Variants in PTPN7 observed in about 807,000 individuals in gnomAD.
The protein encoded by PTPN7 is tyrosine-protein phosphatase non-receptor type 7.
Under a neutral mutation model 50.3 loss-of-function variants are expected in PTPN7, and 33 were observed. The ratio of observed to expected loss-of-function variants is 0.66; its 90% CI spans 0.50 to 0.88. The LOEUF is 0.88. Among genes scored for constraint, PTPN7 ranks in the 40% least tolerant of loss-of-function variants. PTPN7 has a pLI of 0.00. For synonymous variants in PTPN7, 185 were observed against 186.6 expected (o/e 0.99, Z 0.07); for missense variants, 412 against 475.4 (o/e 0.87, Z 1.24).
rs998819135 is a variant in PTPN7, at chr1:202,159,676, G to A, written c.-52-222C>T. On this transcript the variant is annotated intron_variant, in intron 1 of 9. Transcript: ENST00000691036. The surrounding 1 kb of genome is among the most constrained non-coding windows in gnomAD (Gnocchi z 4.6). The stretch of plus-strand genomic sequence containing the variant: ...AACGGCAAGATAAAGGGTAGAGATT[G>A]TGGATGAAGATAGGAAAGAATCCAG... 7 of 1,397,792 alleles carry A rather than the reference G, an allele frequency of 5.0e-6. No individual in the cohort carries two copies. In the African/African-American group the frequency reaches 1.0e-4, roughly 20 times the overall value. The allele number at this position is 1,397,792 out of a possible 1,614,324, so 86.6% of individuals were successfully genotyped here.
At chr1:202,161,368 A>T (rs11587776), upstream of PTPN7, 214 of 1,238,742 alleles carry the variant, frequency 1.7e-4, no homozygotes, top group Non-Finnish European at 2.2e-4. Flanking sequence ...GAACCCTGAC[A>T]TCTACTTAGA....
chr1:202,160,043 C>T lies in PTPN7; in HGVS notation c.-53+502G>A. ...AGGCTGGAGGTGTTTCCTTCCTCCTCCTGCCCATCCCCCCGTCTCCCGCCT... is the reference window on the plus strand; with the variant it reads ...AGGCTGGAGGTGTTTCCTTCCTCCTTCTGCCCATCCCCCCGTCTCCCGCCT... On this transcript the variant is annotated intron_variant, in intron 1 of 9. Transcript: ENST00000691036. This position sits in a 1 kb window ranked among gnomAD's most constrained non-coding sequence, Gnocchi z 4.8. 3.3e-6 allele frequency: 3 copies of T among 922,732 alleles called. No individual in the cohort carries two copies. The highest frequency in any genetic ancestry group is 3.9e-6 in the Non-Finnish European group (3 of 769,068). The allele number at this position is 922,732 out of a possible 1,614,324, so 57.2% of individuals were successfully genotyped here.
intron 9 of PTPN7, among the ~76,000 whole-genome samples, chr1:202,149,367 A>C (rs747225226): frequency 6.6e-6 from 1 of 152,204 alleles, no homozygotes; most frequent in African/African-American, 2.4e-5. Context: ...CCTTCTTTCT[A>C]ATAATCTTAA....
At chr1:202,161,361 C>A (rs1223809490), upstream of PTPN7, 4 of 1,229,256 alleles carry the variant, frequency 3.3e-6, no homozygotes, top group Non-Finnish European at 3.1e-6. Flanking sequence ...CCTCCCAGAA[C>A]CCTGACATCT....
At chr1:202,157,878 T>G in intron 3 of PTPN7, 55 bp from the exon 4 acceptor site, 2 of 1,529,130 alleles carry the variant, frequency 1.3e-6, no homozygotes, top group Non-Finnish European at 1.8e-6. Flanking sequence ...TTTTCTCTCC[T>G]TCTACCTTTT....
intron 7 of PTPN7, among the ~76,000 whole-genome samples, chr1:202,153,311 A>G (rs1382455797): frequency 6.6e-6 from 1 of 152,122 alleles, no homozygotes; most frequent in Non-Finnish European, 1.5e-5. Flanking sequence ...TTTAGTACAG[A>G]CAAGGTTTCA....
At position 202,148,847 on chromosome 1, in the gene PTPN7, C is replaced by CTCTT. The variant is rs1553317965; in HGVS notation, c.990-149_990-148insAAGA. The CTCTT allele has an allele frequency of 1.3e-4, 18 of 137,526 alleles. No individual in the cohort carries two copies. In the South Asian group the frequency reaches 1.7e-3, roughly 13 times the overall value. The allele number at this position is 137,526 out of a possible 1,614,324, so 8.5% of individuals were successfully genotyped here. ...TCCTTTGCCTATATTCATCTTTTCA[C>CTCTT]TTTTTTTTTTTTTTTTTTTTTTTTG... On this transcript the variant is annotated intron_variant, in intron 9 of 9. Transcript: ENST00000691036.
At chr1:202,150,690 G>A (rs953674623) in intron 8 of PTPN7, among the ~76,000 whole-genome samples, 1 of 152,148 alleles carries the variant, frequency 6.6e-6, no homozygotes, top group Non-Finnish European at 1.5e-5. Context: ...GGTCCCTGTG[G>A]ACATTTTGAC....
rs2147834935 is a variant in PTPN7, at chr1:202,152,714, A to G, written c.718-15T>C. The G allele has an allele frequency of 6.2e-7, 1 of 1,613,494 alleles. No homozygotes were observed. Among genetic ancestry groups the G allele is most frequent in the Non-Finnish European group, 8.5e-7 (1 of 1,179,628 alleles). On this transcript the variant is annotated splice_polypyrimidine_tract_variant and intron_variant, in intron 7 of 9. Coordinates refer to ENST00000691036, the MANE Select transcript of PTPN7 (RefSeq NM_002832.4). ...TCTTCCTGGTACTGGATTGGAGACA[A>G]GGCATGAGAACCAAGGTCAGGGTGG...
chr1:202,153,743 C>T lies in PTPN7; in HGVS notation c.699G>A (p.Val233=), dbSNP rs967865669. ...QDMKECPEYT[V]RQLTIQYQEE... is the part of the protein sequence containing the mutation. The stretch of plus-strand genomic sequence containing the variant: ...GTGGTACCTGGATGGTGAGCTGCCG[C>T]ACAGTGTATTCTGGGCACTCTTTCA... Residue 233 remains valine (V), a synonymous_variant, in exon 7 of 10, where the codon GTG becomes GTA. Transcript: ENST00000691036. 5 of 1,613,910 alleles carry T rather than the reference C, an allele frequency of 3.1e-6. No homozygotes were observed. The highest frequency in any genetic ancestry group is 2.7e-5 in the African/African-American group (2 of 74,904).
rs1655557992 is a variant in PTPN7 at position 202,148,446 on chromosome 1, T to C, written c.*160A>G. The C allele has an allele frequency of 1.7e-6, 1 of 581,612 alleles. No individual in the cohort carries two copies. The highest frequency in any genetic ancestry group is 3.1e-5 in the Admixed American group (1 of 31,988). The allele number at this position is 581,612 out of a possible 1,614,324, so 36.0% of individuals were successfully genotyped here. ...GACCTGGAATCCGGCCCCTTGTCCT[T>C]ACTGCTGCTGCTTCCTGTGACTGCA... On this transcript the variant is annotated 3_prime_UTR_variant, in exon 10 of 10. Transcript: ENST00000691036.
chr1:202,161,276 G>A, upstream of PTPN7: 1 of 1,146,012 alleles, frequency 8.7e-7, no homozygotes. Flanking sequence ...AGCCCAGCAG[G>A]AAGCAGATAG....
chr1:202,159,980 G>A lies in PTPN7; in HGVS notation c.-52-526C>T. On this transcript the variant is annotated intron_variant, in intron 1 of 9. Transcript: ENST00000691036. This position sits in a 1 kb window ranked among gnomAD's most constrained non-coding sequence, Gnocchi z 4.6. ...CTAACTGCTGCTGTTCCACTCCCAG[G>A]TCTGTTTCTGGCTTCTGGGGTCTCT... is the stretch of plus-strand genomic sequence containing the variant. 6 of 999,700 alleles carry A rather than the reference G, an allele frequency of 6.0e-6. No homozygotes were observed. Among genetic ancestry groups the A allele is most frequent in the Non-Finnish European group, 6.0e-6 (5 of 838,998 alleles). The allele number at this position is 999,700 out of a possible 1,614,324, so 61.9% of individuals were successfully genotyped here. A position where few individuals can be genotyped will look rare whatever the true frequency, so the allele number is the denominator to read the frequency against.
intron 9 of PTPN7, 33 bp downstream of exon 9, chr1:202,150,278 C>T (rs778534896): frequency 5.8e-6 from 9 of 1,546,512 alleles, no homozygotes; most frequent in East Asian, 2.3e-5. Flanking sequence ...CATCCGTTAA[C>T]GTTGTTGGCC....
chr1:202,161,476 G>T, upstream of PTPN7: 2 of 1,289,830 alleles, frequency 1.6e-6, no homozygotes, highest in Non-Finnish European at 2.0e-6. Flanking sequence ...CCTGAAGGGT[G>T]GCCCCCAAGT....
intron 8 of PTPN7, among the ~76,000 whole-genome samples, chr1:202,150,747 C>T (rs1269313316): frequency 2.0e-5 from 3 of 152,102 alleles, no homozygotes; most frequent in African/African-American, 4.8e-5. Flanking sequence ...AGACAGTTTC[C>T]CACTTGTGGG....
chr1:202,149,697 A>C (rs914346332), intron 9 of PTPN7, among the ~76,000 whole-genome samples: 1 of 152,192 alleles, frequency 6.6e-6, no homozygotes, highest in African/African-American at 2.4e-5. Flanking sequence ...CATCTCAGTG[A>C]GACAGATGTC....
rs370063601 is a variant in PTPN7 at position 202,152,583 on chromosome 1, C to T, written c.834G>A (p.Pro278=). The change falls in exon 8 of 10, where the codon CCG becomes CCA. Residue 278 remains proline (P), a synonymous_variant. Transcript: ENST00000691036. The stretch of plus-strand genomic sequence containing the variant: ...TAGGCCCGGGGTGGGCGGCTGTCTC[C>T]GGGCTCTCCTCCACCTCTGCCACTA... ...LRLVAEVEES[P]ETAAHPGPIV... is the part of the protein sequence containing the mutation. 37 of 1,613,714 alleles carry T rather than the reference C, an allele frequency of 2.3e-5. No individual in the cohort carries two copies. Among genetic ancestry groups the T allele is most frequent in the African/African-American group, 1.3e-4 (10 of 75,038 alleles).
chr1:202,158,780 T>C lies in PTPN7; in HGVS notation c.123-479A>G, dbSNP rs552930611. The C allele has an allele frequency of 2.4e-4, 39 of 161,418 alleles. 1 individual carries two copies. The South Asian group carries it at 6.8e-3, about 28-fold the overall frequency. 10.0% of individuals were successfully genotyped at this position (161,418 alleles called of 1,614,324 possible). On this transcript the variant is annotated intron_variant, in intron 2 of 9. Coordinates refer to ENST00000691036, the MANE Select transcript of PTPN7 (RefSeq NM_002832.4). The stretch of plus-strand genomic sequence containing the variant: ...ATTTAGGGTTTGGGCCCCTGCTGTG[T>C]GCCCTCTTTTTTTTTTTTTTTTTGA...
Sources: gnomAD v4.1 joint callset for allele counts (sites outside exome capture counted in the v4.1 genomes callset) on GRCh38, gnomAD v4.1.1 for gene constraint, Gnocchi (gnomAD v3.1) non-coding constraint, MANE v1.5 for transcripts, NCBI Gene and HGNC (gene_info 2026-07-23, HGNC 2026-07-21) for gene names.